BICC1: variants seen among roughly 807,000 people sequenced by gnomAD.
The protein encoded by BICC1 is protein bicaudal C homolog 1.
BICC1 carries 43 observed loss-of-function variants against 111.0 expected under a neutral mutation model. The ratio of observed to expected loss-of-function variants is 0.39; its 90% CI spans 0.30 to 0.50. BICC1 has a LOEUF of 0.50. Ranked by LOEUF, BICC1 falls within the 20% of genes least tolerant of loss-of-function variation. The pLI is 0.88. For synonymous variants in BICC1, 467 were observed against 434.4 expected (o/e 1.07, Z -0.93); for missense variants, 1,091 against 1,203.2 (o/e 0.91, Z 1.38).
At chr10:58,708,002 AT>A (rs71467049) in intron 3 of BICC1, among the ~76,000 whole-genome samples, 7 of 108,364 alleles carry the variant, frequency 6.5e-5, no homozygotes, top group African/African-American at 1.1e-4. Flanking sequence ...TAGCCAGCTA[AT>A]TTTTTTTTTT....
Position 58,707,948 on chromosome 10 carries a change from C to T in BICC1, c.307+5805C>T, listed in dbSNP as rs563993368. On this transcript the variant is annotated intron_variant, in intron 3 of 20. Transcript: ENST00000373886. Reference sequence around the variant, plus strand: ...CCGACCTCAGGTATTTCAGCCACTTCGGCCTCCCAAAGTGCTGGGATTACA... The same window carrying T: ...CCGACCTCAGGTATTTCAGCCACTTTGGCCTCCCAAAGTGCTGGGATTACA... 6.9e-4 allele frequency among the ~76,000 whole-genome samples: 105 copies of T among 152,004 alleles called. 2 individuals carry two copies. Among genetic ancestry groups the T allele is most frequent in the South Asian group, 2.7e-3 (13 of 4,802 alleles).
intron 2 of BICC1, among the ~76,000 whole-genome samples, chr10:58,698,174 C>T (rs1467966216): frequency 6.6e-6 from 1 of 152,154 alleles, no homozygotes; most frequent in African/African-American, 2.4e-5. Context: ...GTCAGTTAAG[C>T]ACAGGTACTT....
At chr10:58,776,397 C>A (rs187958259) in intron 3 of BICC1, among the ~76,000 whole-genome samples, 108 of 152,324 alleles carry the variant, frequency 7.1e-4, no homozygotes, top group African/African-American at 2.4e-3. Flanking sequence ...ACCTGTCATG[C>A]ACACTGTGAA....
intron 1 of BICC1, among the ~76,000 whole-genome samples, chr10:58,598,457 G>A (rs1041238384): frequency 2.0e-5 from 3 of 152,110 alleles, no homozygotes; most frequent in South Asian, 2.1e-4. Context: ...CTAGCCATAT[G>A]CAGAAAACTG....
chr10:58,733,298 T>C (rs896687808), intron 3 of BICC1, among the ~76,000 whole-genome samples: 46 of 152,232 alleles, frequency 3.0e-4, no homozygotes, highest in African/African-American at 9.2e-4. Context: ...GAATGAATAA[T>C]GAATGGAAGC....
At chr10:58,581,187 A>G (rs1381449198) in intron 1 of BICC1, among the ~76,000 whole-genome samples, 5 of 152,178 alleles carry the variant, frequency 3.3e-5, no homozygotes, top group Non-Finnish European at 5.9e-5. Flanking sequence ...AATTGTGCCT[A>G]CTACTCCTGA....
chr10:58,512,876 C>G lies in BICC1; in HGVS notation c.-268C>G, dbSNP rs1170003114. Among the ~76,000 whole-genome samples the G allele has an allele frequency of 6.8e-6, 1 of 147,734 alleles. No individual in the cohort carries two copies. Among genetic ancestry groups the G allele is most frequent in the East Asian group, 2.0e-4 (1 of 5,116 alleles). Reference sequence around the variant, plus strand: ...CGCGGGCAGCGCGGCGCGCTCATTCCGCGCGGGCGTTGCTGGCGGGGGGCG... The same window carrying G: ...CGCGGGCAGCGCGGCGCGCTCATTCGGCGCGGGCGTTGCTGGCGGGGGGCG... On this transcript the variant is annotated 5_prime_UTR_variant, in exon 1 of 21. Coordinates refer to ENST00000373886, the MANE Select transcript of BICC1 (RefSeq NM_001080512.3).
intron 1 of BICC1, among the ~76,000 whole-genome samples, chr10:58,541,018 A>T (rs1302035094): frequency 1.3e-5 from 2 of 152,096 alleles, no homozygotes; most frequent in Non-Finnish European, 2.9e-5. Flanking sequence ...TTCATGACAA[A>T]ACACTAACCA....
chr10:58,539,922 A>G (rs1436373425), intron 1 of BICC1, among the ~76,000 whole-genome samples: 1 of 152,000 alleles, frequency 6.6e-6, no homozygotes, highest in Non-Finnish European at 1.5e-5. Context: ...AGTCATATCA[A>G]GTATCTTTTT....
At chr10:58,584,438 C>T (rs1026864301) in intron 1 of BICC1, among the ~76,000 whole-genome samples, 16 of 152,024 alleles carry the variant, frequency 1.1e-4, no homozygotes, top group South Asian at 4.2e-4. Flanking sequence ...GAGGTGACTT[C>T]GGCAATATCT....
intron 19 of BICC1, among the ~76,000 whole-genome samples, chr10:58,819,944 TCTTTCAATC>T (rs1211870073): frequency 3.3e-5 from 5 of 152,192 alleles, no homozygotes; most frequent in African/African-American, 1.2e-4. Flanking sequence ...TGGGAATTCT[TCTTTCAATC>T]CTTTCAATCC....
chr10:58,579,292 G>A (rs1844199844), intron 1 of BICC1, among the ~76,000 whole-genome samples: 1 of 152,226 alleles, frequency 6.6e-6, no homozygotes, highest in African/African-American at 2.4e-5. Context: ...TTGCTGGAGA[G>A]AAGACACTTT....
At chr10:58,787,482 A>G (rs1235519008) in intron 5 of BICC1, among the ~76,000 whole-genome samples, 2 of 152,192 alleles carry the variant, frequency 1.3e-5, no homozygotes, top group African/African-American at 2.4e-5. Flanking sequence ...GCAGTGCATT[A>G]GTGCCTGACT....
At chr10:58,646,517 C>A (rs1350238798) in intron 2 of BICC1, among the ~76,000 whole-genome samples, 1 of 152,102 alleles carries the variant, frequency 6.6e-6, no homozygotes, top group Non-Finnish European at 1.5e-5. Flanking sequence ...TTTGGATATT[C>A]ATTACCTAAA....
intron 1 of BICC1, among the ~76,000 whole-genome samples, chr10:58,571,711 T>G (rs1460066092): frequency 6.6e-6 from 1 of 152,196 alleles, no homozygotes; most frequent in Non-Finnish European, 1.5e-5. Flanking sequence ...CATGTATATG[T>G]GCCACCTTTT....
At chr10:58,596,421 A>G (rs1373674528) in intron 1 of BICC1, among the ~76,000 whole-genome samples, 2 of 152,174 alleles carry the variant, frequency 1.3e-5, no homozygotes, top group African/African-American at 2.4e-5. Flanking sequence ...TCAAAATAAT[A>G]AGAGCTATTT....
intron 2 of BICC1, among the ~76,000 whole-genome samples, chr10:58,658,408 C>T (rs755204137): frequency 9.9e-5 from 15 of 151,996 alleles, no homozygotes; most frequent in Non-Finnish European, 2.1e-4. Context: ...AGGCTGTTCT[C>T]GAACTCCTGA....
chr10:58,718,744 G>A (rs1840829348), intron 3 of BICC1, among the ~76,000 whole-genome samples: 1 of 148,832 alleles, frequency 6.7e-6, no homozygotes, highest in Admixed American at 6.6e-5. Flanking sequence ...GCATGGAAAT[G>A]TGTGTGTGTG....
chr10:58,648,458 T>TAGAA (rs1838336627), intron 2 of BICC1: 1 of 946,720 alleles, frequency 1.1e-6, no homozygotes, highest in Admixed American at 6.2e-5. Flanking sequence ...ATACACAGAG[T>TAGAA]TATGTTCTCT....
Sources: gnomAD v4.1 joint callset for allele counts (sites outside exome capture counted in the v4.1 genomes callset) on GRCh38, gnomAD v4.1.1 for gene constraint, MANE v1.5 for transcripts, NCBI Gene and HGNC (gene_info 2026-07-23, HGNC 2026-07-21) for gene names.